Variants in SDC1 observed in about 807,000 individuals in gnomAD.
SDC1 encodes the protein syndecan-1.
Under a neutral mutation model 29.7 loss-of-function variants are expected in SDC1, and 14 were observed. That is an observed-to-expected ratio of 0.47 (90% CI 0.31 to 0.74). The LOEUF (loss-of-function observed/expected upper bound fraction) is 0.74, where lower values mean the gene tolerates loss of function less well. Among genes scored for constraint, SDC1 ranks in the 30% least tolerant of loss-of-function variants. SDC1 has a pLI of 0.05. For synonymous variants in SDC1, 204 were observed against 175.5 expected, an observed-to-expected ratio of 1.16 and a Z score of -1.29; for missense variants, 406 against 400.3, an observed-to-expected ratio of 1.01 and a Z score of -0.12.
At chr2:20,216,114 C>G (rs574076558) in intron 1 of SDC1, among the ~76,000 whole-genome samples, 112 of 152,350 alleles carry the variant, frequency 7.4e-4, no homozygotes, top group Non-Finnish European at 1.0e-3. Context: ...CCCAAGACAA[C>G]CAGTCACTGC....
chr2:20,207,878 A>C, intron 1 of SDC1: 6 of 913,048 alleles, frequency 6.6e-6, no homozygotes, highest in Non-Finnish European at 7.9e-6. Flanking sequence ...TCATCAAAGA[A>C]TACTGCCCAC....
rs1167687340 is a variant in SDC1 at position 20,202,662 on chromosome 2, G to A, written c.*104C>T. The A allele has an allele frequency of 1.8e-6, 2 of 1,124,306 alleles. No individual in the cohort carries two copies. The highest frequency in any genetic ancestry group is 2.6e-6 in the Non-Finnish European group (2 of 778,836). 69.6% of individuals were successfully genotyped at this position (1,124,306 alleles called of 1,614,324 possible). A position where few individuals can be genotyped will look rare whatever the true frequency, so the allele number is the denominator to read the frequency against. On this transcript the variant is annotated 3_prime_UTR_variant, in exon 5 of 5. Coordinates refer to ENST00000254351, the MANE Select transcript of SDC1 (RefSeq NM_002997.5). The stretch of plus-strand genomic sequence containing the variant: ...CGACCAGAGGGGCTGGAATGCTGGG[G>A]AGGTGGCCTGGTGGCAGGGGAGGCC...
At chr2:20,219,170 C>T (rs1677731801) in intron 1 of SDC1, among the ~76,000 whole-genome samples, 3 of 152,118 alleles carry the variant, frequency 2.0e-5, no homozygotes, top group Admixed American at 2.0e-4. Context: ...GCCCCATAAG[C>T]TTGCCCCCAC....
chr2:20,203,185 A>G lies in SDC1; in HGVS notation c.665T>C (p.Val222Ala). 6.2e-7 allele frequency: 1 copy of G among 1,612,600 alleles called. No homozygotes were observed. Among genetic ancestry groups the G allele is most frequent in the Non-Finnish European group, 8.5e-7 (1 of 1,179,314 alleles). Residue 222 changes from valine to alanine, a missense_variant, in exon 4 of 5, where the codon GTA becomes GCA. Coordinates refer to ENST00000254351, the MANE Select transcript of SDC1 (RefSeq NM_002997.5). ...TFETSGENTA[V>A]VAVEPDRRNQ... Reference sequence around the variant, plus strand: ...CCGGCGGTCAGGCTCCACGGCCACTACAGCCGTATTCTCCCCCGAGGTTTC... The same window carrying G: ...CCGGCGGTCAGGCTCCACGGCCACTGCAGCCGTATTCTCCCCCGAGGTTTC...
At chr2:20,206,273 G>A (rs568216462) in intron 1 of SDC1, among the ~76,000 whole-genome samples, 6 of 152,378 alleles carry the variant, frequency 3.9e-5, no homozygotes, top group Non-Finnish European at 1.5e-5. Flanking sequence ...TCCCAGGAAT[G>A]CTGCCCGCCT....
chr2:20,218,510 C>A (rs1255830577), intron 1 of SDC1, among the ~76,000 whole-genome samples: 1 of 151,916 alleles, frequency 6.6e-6, no homozygotes, highest in Non-Finnish European at 1.5e-5. Context: ...CAGTAAGCAC[C>A]CCCCCACCAC....
chr2:20,203,303 A>T (rs1287185291), intron 3 of SDC1, 81 bp from the exon 4 acceptor site: 1 of 1,473,454 alleles, frequency 6.8e-7, no homozygotes, highest in Non-Finnish European at 9.2e-7. Context: ...ACCCAGAAGC[A>T]GCTCCTGCCT....
chr2:20,212,345 G>A (rs1446029932), intron 1 of SDC1, among the ~76,000 whole-genome samples: 1 of 152,242 alleles, frequency 6.6e-6, no homozygotes, highest in Non-Finnish European at 1.5e-5. Flanking sequence ...GGCCAAAATG[G>A]TGGGACTCGT....
chr2:20,207,391 G>C, intron 1 of SDC1: 4 of 984,890 alleles, frequency 4.1e-6, no homozygotes, highest in Non-Finnish European at 4.8e-6. Flanking sequence ...GCAATGAACA[G>C]TCACAGTCCA....
chr2:20,208,834 G>A (rs1003054625), intron 1 of SDC1, among the ~76,000 whole-genome samples: 3 of 152,228 alleles, frequency 2.0e-5, no homozygotes, highest in Non-Finnish European at 2.9e-5. Context: ...ACCTCTGTAA[G>A]TCCCAGGAAA....
intron 3 of SDC1, 46 bp from the exon 4 acceptor site, chr2:20,203,268 C>T: frequency 6.4e-7 from 1 of 1,560,626 alleles, no homozygotes; most frequent in African/African-American, 1.4e-5. Flanking sequence ...TCACCGCCAG[C>T]AGCAGCAACC....
intron 2 of SDC1, among the ~76,000 whole-genome samples, chr2:20,205,086 G>A (rs1369577052): frequency 1.3e-5 from 2 of 152,238 alleles, no homozygotes; most frequent in Admixed American, 6.5e-5. Flanking sequence ...ATATGAGCCT[G>A]CGTGCAGCAG....
intron 1 of SDC1, among the ~76,000 whole-genome samples, chr2:20,215,972 A>G (rs1677615277): frequency 6.6e-6 from 1 of 152,236 alleles, no homozygotes; most frequent in South Asian, 2.1e-4. Context: ...ACTGCCTTAC[A>G]CAGGGAAGAC....
At chr2:20,207,291 C>G (rs1677305828) in intron 1 of SDC1, 3 of 391,178 alleles carry the variant, frequency 7.7e-6, no homozygotes, top group Non-Finnish European at 7.0e-6. Context: ...TAAACTGTAT[C>G]TTCCTTCCCC....
chr2:20,203,272 A>T, intron 3 of SDC1, 50 bp from the exon 4 acceptor site: 1 of 1,561,574 alleles, frequency 6.4e-7, no homozygotes, highest in Non-Finnish European at 8.7e-7. Flanking sequence ...CGCCAGCAGC[A>T]GCAACCAGCT....
Position 20,202,585 on chromosome 2 carries a change from C to A in SDC1, c.*181G>T. ...GTGCCCTAAGTCTCCAGGCAGAAGT[C>A]AGAGAAGCAGAGTGGAGCTCCCAGC... is the stretch of plus-strand genomic sequence containing the variant. On this transcript the variant is annotated 3_prime_UTR_variant, in exon 5 of 5. Transcript: ENST00000254351. 1.5e-6 allele frequency: 1 copy of A among 656,814 alleles called. No homozygotes were observed. 40.7% of individuals were successfully genotyped at this position (656,814 alleles called of 1,614,324 possible).
At position 20,224,748 on chromosome 2, in the gene SDC1, G is replaced by C; in HGVS notation, c.66+54C>G. 2 of 1,279,336 alleles carry C rather than the reference G, an allele frequency of 1.6e-6. No individual in the cohort carries two copies. The highest frequency in any genetic ancestry group is 2.0e-6 in the Non-Finnish European group (2 of 1,012,668). 79.2% of individuals were successfully genotyped at this position (1,279,336 alleles called of 1,614,324 possible). A position where few individuals can be genotyped will look rare whatever the true frequency, so the allele number is the denominator to read the frequency against. ...CACGTGCACCCGCCGGCATCCGCGG[G>C]TGACCAGTCCCGGCTTCCCGCCGCC... On this transcript the variant is annotated intron_variant, in intron 1 of 4. Transcript: ENST00000254351. This position sits in a 1 kb window ranked among gnomAD's most constrained non-coding sequence, Gnocchi z 4.9.
intron 1 of SDC1, among the ~76,000 whole-genome samples, chr2:20,209,373 C>T (rs1315224864): frequency 1.3e-5 from 2 of 152,194 alleles, no homozygotes; most frequent in Non-Finnish European, 2.9e-5. Context: ...GCTCTCCTCA[C>T]CTGCCATCCC....
chr2:20,205,902 G>A (rs1312435549), intron 1 of SDC1, among the ~76,000 whole-genome samples: 1 of 152,218 alleles, frequency 6.6e-6, no homozygotes, highest in Non-Finnish European at 1.5e-5. Flanking sequence ...ACAATCTCAG[G>A]ACAACCTGGG....
Sources: allele counts gnomAD v4.1 joint callset (sites outside exome capture counted in the v4.1 genomes callset), GRCh38; gene constraint gnomAD v4.1.1; non-coding constraint Gnocchi (gnomAD v3.1); transcripts MANE v1.5; gene names NCBI Gene and HGNC (gene_info 2026-07-23, HGNC 2026-07-21).